The following BOD1L1 variants were observed in gnomAD, a reference collection of about 807,000 sequenced individuals.
BOD1L1 encodes biorientation of chromosomes in cell division protein 1-like 1.
Under a neutral mutation model 240.7 loss-of-function variants are expected in BOD1L1, and 86 were observed. That is an observed-to-expected ratio of 0.36 (90% CI 0.30 to 0.43). The LOEUF is 0.43. BOD1L1 is among the 20% of genes least tolerant of loss of function. BOD1L1 has a pLI of 1.00. For missense variants in BOD1L1, 3,554 were observed against 3,643.5 expected (o/e 0.98, Z 0.63); for synonymous variants, 1,268 against 1,272.3 (o/e 1.00, Z 0.07).
At chr4:13,573,207 A>G (rs571817119) in intron 25 of BOD1L1, among the ~76,000 whole-genome samples, 4 of 152,220 alleles carry the variant, frequency 2.6e-5, no homozygotes, top group Non-Finnish European at 5.9e-5. Flanking sequence ...CTAAGTGTTA[A>G]GGCCCAAGTA....
intron 1 of BOD1L1, chr4:13,625,330 A>G (rs1717311553): frequency 6.6e-6 from 1 of 152,200 alleles, no homozygotes. Context: ...AAGTAGAAAA[A>G]CAGCGTTTTA....
rs1436853762 is a variant in BOD1L1, at chr4:13,613,423, C to G, written c.1324+89G>C. The G allele has an allele frequency of 7.9e-7, 1 of 1,262,630 alleles. No individual in the cohort carries two copies. The highest frequency in any genetic ancestry group is 1.1e-6 in the Non-Finnish European group (1 of 915,040). 78.2% of individuals were successfully genotyped at this position (1,262,630 alleles called of 1,614,324 possible). ...AAAATCCCATGCTCTTGCTACTATA[C>G]CACACTGTTTCTCAGGATATAGCCA... On this transcript the variant is annotated intron_variant, in intron 5 of 25. Coordinates refer to ENST00000040738, the MANE Select transcript of BOD1L1 (RefSeq NM_148894.3). This position sits in a 1 kb window ranked among gnomAD's most constrained non-coding sequence, Gnocchi z 4.0.
intron 22 of BOD1L1, chr4:13,577,906 C>CTTT: frequency 6.5e-5 from 15 of 229,806 alleles, no homozygotes; most frequent in Non-Finnish European, 7.5e-5. Context: ...GATTAGACTA[C>CTTT]TTTTTTTTTT....
At chr4:13,614,134 T>G (rs1467478258) in intron 4 of BOD1L1, 62 bp downstream of exon 4, 1 of 1,361,016 alleles carries the variant, frequency 7.3e-7, no homozygotes, top group African/African-American at 1.5e-5. Flanking sequence ...AATTTGATAC[T>G]TCCCTGATCC....
chr4:13,616,022 G>C (rs1404452638), intron 2 of BOD1L1, among the ~76,000 whole-genome samples: 3 of 152,130 alleles, frequency 2.0e-5, no homozygotes, highest in Non-Finnish European at 4.4e-5. Context: ...GAAAACTTTA[G>C]AGAAAAAAAT....
At chr4:13,625,268 G>A (rs906729900) in intron 1 of BOD1L1, 2 of 152,146 alleles carry the variant, frequency 1.3e-5, no homozygotes, top group African/African-American at 4.8e-5. Flanking sequence ...CACTGAAACT[G>A]TATATGTTAT....
chr4:13,586,477 T>C lies in BOD1L1; in HGVS notation c.8354-2A>G, dbSNP rs751054494. 2.5e-6 allele frequency: 4 copies of C among 1,598,256 alleles called. No individual in the cohort carries two copies. The highest frequency in any genetic ancestry group is 8.6e-7 in the Non-Finnish European group (1 of 1,167,558). The stretch of plus-strand genomic sequence containing the variant: ...AATCCAGGACATCTGGATTATCATC[T>C]GTAAATCAGTTTAGACAGAATCACA... On this transcript the variant is annotated splice_acceptor_variant, in intron 16 of 25. Transcript: ENST00000040738. LOFTEE classifies it high-confidence loss of function.
rs748978282 is a variant in BOD1L1 at position 13,603,529 on chromosome 4, G to A, written c.3371C>T (p.Ser1124Phe). 6.2e-7 allele frequency: 1 copy of A among 1,614,036 alleles called. No individual in the cohort carries two copies. The highest frequency in any genetic ancestry group is 8.5e-7 in the Non-Finnish European group (1 of 1,179,898). The change falls in exon 10 of 26, where the codon TCT becomes TTT. Residue 1124 changes from serine to phenylalanine, a missense_variant. Coordinates refer to ENST00000040738, the MANE Select transcript of BOD1L1 (RefSeq NM_148894.3). Reference sequence around the variant, plus strand: ...AAACACATTTTCAACACCTGGCTCAGAATCAATTTCCATTGGCTCTTGTTC... The same window carrying A: ...AAACACATTTTCAACACCTGGCTCAAAATCAATTTCCATTGGCTCTTGTTC... ...IPEQEPMEIDSEPGVENVFEV... is the reference protein window; with the variant it reads ...IPEQEPMEIDFEPGVENVFEV...
Position 13,599,032 on chromosome 4 carries a change from C to G in BOD1L1, c.7868G>C (p.Gly2623Ala), listed in dbSNP as rs1560195291. The change falls in exon 10 of 26, where the codon GGA becomes GCA. Residue 2623 changes from glycine to alanine, a missense_variant. Transcript: ENST00000040738. The part of the protein sequence containing the change: ...WTDQASAEKT[G>A]DDNSTRKSFP... Reference sequence around the variant, plus strand: ...TGATTTCCTTGTGCTGTTATCATCTCCTGTTTTCTCAGCAGATGCTTGATC... The same window carrying G: ...TGATTTCCTTGTGCTGTTATCATCTGCTGTTTTCTCAGCAGATGCTTGATC... 6.2e-7 allele frequency: 1 copy of G among 1,613,816 alleles called. No homozygotes were observed. Among genetic ancestry groups the G allele is most frequent in the Non-Finnish European group, 8.5e-7 (1 of 1,179,840 alleles).
chr4:13,584,358 G>A (rs984098193), intron 17 of BOD1L1, among the ~76,000 whole-genome samples: 1 of 151,788 alleles, frequency 6.6e-6, no homozygotes, highest in African/African-American at 2.4e-5. Flanking sequence ...GTGTGTGTGT[G>A]TGTGTGAGAG....
chr4:13,609,876 T>C (rs6825834), intron 6 of BOD1L1, among the ~76,000 whole-genome samples: 147,468 of 152,230 alleles, frequency 0.97, 71,612 homozygotes, highest in East Asian at 1. Context: ...GCTGGTTATA[T>C]GCTTGGGACC....
At chr4:13,580,037 A>T (rs1385470202) in intron 21 of BOD1L1, 64 bp from the exon 22 acceptor site, 46 of 1,148,720 alleles carry the variant, frequency 4.0e-5, no homozygotes, top group Non-Finnish European at 5.5e-5. Context: ...TCACATAGAA[A>T]TGCAATCAAT....
intron 11 of BOD1L1, 33 bp downstream of exon 11, chr4:13,597,071 T>G (rs1714679035): frequency 6.5e-7 from 1 of 1,529,820 alleles, no homozygotes; most frequent in Admixed American, 1.9e-5. Context: ...TTTAATCACT[T>G]ACAGTTCAGC....
chr4:13,594,994 C>G (rs979138921), intron 12 of BOD1L1, among the ~76,000 whole-genome samples: 1 of 152,188 alleles, frequency 6.6e-6, no homozygotes, highest in African/African-American at 2.4e-5. Flanking sequence ...AAACAATAAA[C>G]AGCAACAGGA....
rs776920790 is a variant in BOD1L1 at position 13,587,740 on chromosome 4, C to G, written c.8312G>C (p.Arg2771Thr). Residue 2771 changes from arginine to threonine, a missense_variant, in exon 16 of 26, where the codon AGA becomes ACA. This residue lies in a region of BOD1L1 where 3,393 missense variants were observed against 3,427.1 expected (regional missense o/e 0.99). Transcript: ENST00000040738. ...VEEEERHMPK[R>T]KRKQHYLSSE... ...AGAGAGATAATGCTGCTTTCTTTTT[C>G]TTTTAGGCATATGCCTTTCTTCCTC... 2 of 1,559,698 alleles carry G rather than the reference C, an allele frequency of 1.3e-6. No individual in the cohort carries two copies. The highest frequency in any genetic ancestry group is 2.3e-5 in the East Asian group (1 of 42,654).
In BOD1L1 at chr4:13,599,348, C is replaced by A; in HGVS notation, c.7552G>T (p.Asp2518Tyr). ...PEQTSGQTAK[D>Y]PSVSIRYLAA... is the part of the protein sequence containing the mutation. ...AAATAGCGAATGCTGACAGAGGGAT[C>A]CTTAGCCGTCTGCCCAGACGTCTGT... Residue 2518 changes from aspartate (D) to tyrosine (Y), a missense_variant, in exon 10 of 26, where the codon GAT becomes TAT. Coordinates refer to ENST00000040738, the MANE Select transcript of BOD1L1 (RefSeq NM_148894.3). 2 of 1,613,892 alleles carry A rather than the reference C, an allele frequency of 1.2e-6. No homozygotes were observed. The highest frequency in any genetic ancestry group is 2.7e-5 in the African/African-American group (2 of 74,992).
intron 16 of BOD1L1, among the ~76,000 whole-genome samples, chr4:13,587,204 TTCAAGTGC>T (rs1373981794): frequency 2.0e-5 from 3 of 152,222 alleles, no homozygotes; most frequent in African/African-American, 7.2e-5. Flanking sequence ...ACTGACCACT[TTCAAGTGC>T]TCAATAGTGA....
At chr4:13,610,528 CTTTG>C (rs1184826961) in intron 6 of BOD1L1, among the ~76,000 whole-genome samples, 1 of 152,200 alleles carries the variant, frequency 6.6e-6, no homozygotes, top group Non-Finnish European at 1.5e-5. Context: ...GCAGTCAAAA[CTTTG>C]TTTCATGCAC....
Position 13,570,099 on chromosome 4 carries a change from T to C in BOD1L1, c.9068A>G (p.Lys3023Arg). ...AGGAGGGCTGACTTCTCTCTTGCGC[T>C]TGATAGAAGGGGAGAGCTGTGTCTT... ...RSKTQLSPSIKRKREVSPPGA... is the reference protein window; with the variant it reads ...RSKTQLSPSIRRKREVSPPGA... The change falls in exon 26 of 26, where the codon AAG (lysine) becomes AGG (arginine). Residue 3023 changes from lysine (K) to arginine (R), a missense_variant. By Grantham distance (26) the Lys-to-Arg change is conservative. Coordinates refer to ENST00000040738, the MANE Select transcript of BOD1L1 (RefSeq NM_148894.3). 1 of 1,603,274 alleles carries C rather than the reference T, an allele frequency of 6.2e-7. No individual in the cohort carries two copies. The highest frequency in any genetic ancestry group is 8.5e-7 in the Non-Finnish European group (1 of 1,175,626).
Sources: gnomAD v4.1 joint callset for allele counts (sites outside exome capture counted in the v4.1 genomes callset) on GRCh38, gnomAD v4.1.1 for gene constraint, gnomAD v4.1.1 regional missense constraint, Gnocchi (gnomAD v3.1) non-coding constraint, MANE v1.5 for transcripts, NCBI Gene and HGNC (gene_info 2026-07-23, HGNC 2026-07-21) for gene names.